Variants in CDH12 observed in about 807,000 individuals in gnomAD.
CDH12 encodes the protein cadherin 12, also known as cadherin-12.
Under a neutral mutation model 74.1 loss-of-function variants are expected in CDH12, and 41 were observed. The observed-to-expected ratio is 0.55, with a 90% CI of 0.43 to 0.72. The LOEUF (loss-of-function observed/expected upper bound fraction) is 0.72. Ranked by LOEUF, CDH12 falls within the 30% of genes least tolerant of loss-of-function variation. The pLI is 0.00. For synonymous variants in CDH12, 399 were observed against 355.0 expected (o/e 1.12, Z -1.39); for missense variants, 945 against 977.2 (o/e 0.97, Z 0.44).
At chr5:22,380,478 T>C (rs557357701) in intron 3 of CDH12, among the ~76,000 whole-genome samples, 72 of 152,154 alleles carry the variant, frequency 4.7e-4, no homozygotes, top group Admixed American at 1.8e-3. Flanking sequence ...TTAGATACTA[T>C]TTTCAACATA....
chr5:21,858,575 T>C (rs1044613982), intron 6 of CDH12, among the ~76,000 whole-genome samples: 1 of 151,928 alleles, frequency 6.6e-6, no homozygotes, highest in African/African-American at 2.4e-5. Flanking sequence ...CAGACACAAA[T>C]GCACAGAACG....
intron 1 of CDH12, among the ~76,000 whole-genome samples, chr5:22,587,424 G>A (rs1740459694): frequency 6.6e-6 from 1 of 152,302 alleles, no homozygotes; most frequent in East Asian, 1.9e-4. Flanking sequence ...CAGAAGACAA[G>A]ATGAGAGTGA....
chr5:21,981,582 C>T lies in CDH12; in HGVS notation c.232-6197G>A, dbSNP rs554174267. Among the ~76,000 whole-genome samples, 25 of 152,150 alleles carry T rather than the reference C, an allele frequency of 1.6e-4. 2 individuals carry two copies. The highest frequency in any genetic ancestry group is 1.4e-3 in the Admixed American group (21 of 15,252). On this transcript the variant is annotated intron_variant, in intron 5 of 14. Transcript: ENST00000382254. Reference sequence around the variant, plus strand: ...TAGGATCATAGCATTAACACCTTTACGCTTCCCCTTACATCTCCTTCCGTT... The same window carrying T: ...TAGGATCATAGCATTAACACCTTTATGCTTCCCCTTACATCTCCTTCCGTT...
chr5:22,212,391 T>C (rs945176172), intron 4 of CDH12, 107 bp downstream of exon 4: 4 of 383,070 alleles, frequency 1.0e-5, no homozygotes, highest in South Asian at 1.1e-4. Flanking sequence ...AATTAAGCTT[T>C]TCCTGACACA....
chr5:22,064,548 G>A (rs1741429521), intron 5 of CDH12, among the ~76,000 whole-genome samples: 1 of 152,062 alleles, frequency 6.6e-6, no homozygotes, highest in Non-Finnish European at 1.5e-5. Context: ...ATAGTCCTTG[G>A]TGTGACGGGG....
intron 6 of CDH12, among the ~76,000 whole-genome samples, chr5:21,930,296 C>A (rs1415688609): frequency 6.6e-6 from 1 of 152,112 alleles, no homozygotes; most frequent in Non-Finnish European, 1.5e-5. Context: ...GATTGCAGCA[C>A]CACTGTTTGC....
At chr5:22,828,588 T>G (rs1736445212) in intron 1 of CDH12, among the ~76,000 whole-genome samples, 1 of 152,182 alleles carries the variant, frequency 6.6e-6, no homozygotes, top group African/African-American at 2.4e-5. Flanking sequence ...GGAAAAGACC[T>G]AAGAATAAAG....
intron 1 of CDH12, among the ~76,000 whole-genome samples, chr5:22,789,058 A>T (rs565353938): frequency 6.6e-6 from 1 of 152,222 alleles, no homozygotes; most frequent in East Asian, 1.9e-4. Context: ...ATAAAGGAAT[A>T]TCATAGTTTA....
At chr5:21,943,397 A>G (rs1354899730) in intron 6 of CDH12, among the ~76,000 whole-genome samples, 1 of 152,238 alleles carries the variant, frequency 6.6e-6, no homozygotes, top group Non-Finnish European at 1.5e-5. Flanking sequence ...CATACATTTT[A>G]GATCTAAAGT....
chr5:21,753,507 T>G (rs920325028), intron 14 of CDH12, among the ~76,000 whole-genome samples: 7 of 152,198 alleles, frequency 4.6e-5, no homozygotes, highest in African/African-American at 1.7e-4. Context: ...ACTAGCTGGA[T>G]GTGCCTGAGG....
intron 5 of CDH12, among the ~76,000 whole-genome samples, chr5:22,019,215 C>T (rs1032201149): frequency 2.0e-5 from 3 of 152,120 alleles, no homozygotes; most frequent in Non-Finnish European, 4.4e-5. Context: ...GGAGAAAAAG[C>T]TGCAACTAAG....
At chr5:22,636,059 AAT>A (rs1409669843) in intron 1 of CDH12, among the ~76,000 whole-genome samples, 2 of 152,108 alleles carry the variant, frequency 1.3e-5, no homozygotes, top group Non-Finnish European at 2.9e-5. Flanking sequence ...ATCCAAAGAA[AAT>A]ATATAAATTA....
intron 6 of CDH12, among the ~76,000 whole-genome samples, chr5:21,962,881 T>A (rs1251900596): frequency 6.6e-6 from 1 of 152,154 alleles, no homozygotes; most frequent in East Asian, 1.9e-4. Context: ...ACTACTGATA[T>A]CTTATTCCCA....
At chr5:22,638,236 GGCC>G (rs1220391794) in intron 1 of CDH12, among the ~76,000 whole-genome samples, 2 of 152,134 alleles carry the variant, frequency 1.3e-5, no homozygotes, top group African/African-American at 4.8e-5. Context: ...TCCCACAATA[GGCC>G]AGTCTGCAAA....
chr5:21,943,416 T>C (rs1755428819), intron 6 of CDH12, among the ~76,000 whole-genome samples: 1 of 152,190 alleles, frequency 6.6e-6, no homozygotes, highest in South Asian at 2.1e-4. Flanking sequence ...GTGGACTTTG[T>C]TTTTTTCCAT....
intron 5 of CDH12, 128 bp from the exon 6 acceptor site, chr5:21,975,513 T>C: frequency 4.9e-6 from 3 of 612,696 alleles, no homozygotes; most frequent in Non-Finnish European, 8.1e-6. Context: ...AAATGTTAAA[T>C]AAAAATCTTA....
intron 1 of CDH12, among the ~76,000 whole-genome samples, chr5:22,568,413 G>A (rs1739390110): frequency 6.6e-6 from 1 of 152,156 alleles, no homozygotes; most frequent in South Asian, 2.1e-4. Context: ...TACACTTGAT[G>A]CCTCTGCGCA....
intron 1 of CDH12, among the ~76,000 whole-genome samples, chr5:22,766,937 T>C (rs992010205): frequency 6.6e-6 from 1 of 152,082 alleles, no homozygotes; most frequent in Non-Finnish European, 1.5e-5. Flanking sequence ...AATTACTCAA[T>C]GGATACAGAG....
At chr5:22,630,610 C>A (rs2126855833) in intron 1 of CDH12, among the ~76,000 whole-genome samples, 1 of 152,174 alleles carries the variant, frequency 6.6e-6, no homozygotes, top group South Asian at 2.1e-4. Flanking sequence ...TGAAACTGGA[C>A]CACTTTCTTA....
Sources: allele counts gnomAD v4.1 joint callset (sites outside exome capture counted in the v4.1 genomes callset), GRCh38; gene constraint gnomAD v4.1.1; transcripts MANE v1.5; gene names NCBI Gene and HGNC (gene_info 2026-07-23, HGNC 2026-07-21).